DENND4A: variants seen among roughly 807,000 people sequenced by gnomAD.
DENND4A encodes the protein DENN domain containing 4A, also known as C-myc promoter-binding protein.
Under a neutral mutation model 199.3 loss-of-function variants are expected in DENND4A, and 70 were observed. The observed-to-expected ratio is 0.35, with a 90% CI of 0.29 to 0.43. The LOEUF (loss-of-function observed/expected upper bound fraction) is 0.43. Ranked by LOEUF, DENND4A falls within the 20% of genes least tolerant of loss-of-function variation. DENND4A has a pLI of 1.00. For missense variants in DENND4A, 1,723 were observed against 2,255.8 expected (o/e 0.76, Z 4.78); for synonymous variants, 686 against 766.9 (o/e 0.89, Z 1.74).
intron 22 of DENND4A, among the ~76,000 whole-genome samples, chr15:65,693,876 T>C (rs999084477): frequency 6.6e-6 from 1 of 151,966 alleles, no homozygotes; most frequent in African/African-American, 2.4e-5. Flanking sequence ...TTGTTTCTTA[T>C]TATAATATAC....
chr15:65,766,853 T>C (rs1375908669), intron 1 of DENND4A: 1 of 152,042 alleles, frequency 6.6e-6, no homozygotes, highest in Non-Finnish European at 1.5e-5. Flanking sequence ...TTCCTACATA[T>C]ATAAGAACAT....
chr15:65,682,452 C>T (rs2141992420), intron 23 of DENND4A, among the ~76,000 whole-genome samples: 1 of 152,342 alleles, frequency 6.6e-6, no homozygotes, highest in Middle Eastern at 3.4e-3. Flanking sequence ...GCTTTCTCAG[C>T]CTTCATAAAA....
intron 28 of DENND4A, 100 bp from the exon 29 acceptor site, chr15:65,667,803 T>C: frequency 3.4e-6 from 5 of 1,485,772 alleles, no homozygotes; most frequent in Non-Finnish European, 4.5e-6. Context: ...AATATAATTG[T>C]ATCATGGGAT....
intron 22 of DENND4A, among the ~76,000 whole-genome samples, chr15:65,696,109 C>T (rs1025550758): frequency 1.3e-5 from 2 of 152,044 alleles, no homozygotes; most frequent in Non-Finnish European, 2.9e-5. Flanking sequence ...TTTCCCCTTC[C>T]AAAAAGTCCC....
At chr15:65,743,380 A>G (rs4354875) in intron 4 of DENND4A, among the ~76,000 whole-genome samples, 30,109 of 152,022 alleles carry the variant, frequency 0.2, 4,015 homozygotes, top group East Asian at 0.73. Flanking sequence ...GGCCTTTTGC[A>G]CAGACTGTTC....
Position 65,690,715 on chromosome 15 carries a change from T to A in DENND4A, c.3879A>T (p.Arg1293Ser). ...KSPPLVKACR[R>S]SSLPPNSPKP... ...TAGGAGAATTAGGAGGCAGACTAGA[T>A]CTTCTGCATGCCTTGACCAATGGTG... is the stretch of plus-strand genomic sequence containing the variant. Residue 1293 changes from arginine (R) to serine (S), a missense_variant, in exon 23 of 33, where the codon AGA becomes AGT. This residue lies in a region of DENND4A where 650 missense variants were observed against 738.1 expected (regional missense o/e 0.88). Coordinates refer to ENST00000443035, the MANE Select transcript of DENND4A (RefSeq NM_001320835.1). 1 of 1,613,660 alleles carries A rather than the reference T, an allele frequency of 6.2e-7. No individual in the cohort carries two copies. Among genetic ancestry groups the A allele is most frequent in the Non-Finnish European group, 8.5e-7 (1 of 1,179,776 alleles).
At chr15:65,736,905 A>C (rs2076134775) in intron 7 of DENND4A, among the ~76,000 whole-genome samples, 1 of 152,184 alleles carries the variant, frequency 6.6e-6, no homozygotes, top group Non-Finnish European at 1.5e-5. Context: ...AGTTTTGGAA[A>C]AGTTATTTTT....
At position 65,752,402 on chromosome 15, in the gene DENND4A, C is replaced by T. The variant is rs762245474; in HGVS notation, c.538G>A (p.Asp180Asn). The T allele has an allele frequency of 1.2e-5, 19 of 1,581,284 alleles. No homozygotes were observed. Among genetic ancestry groups the T allele is most frequent in the African/African-American group, 9.6e-5 (7 of 72,676 alleles). The change falls in exon 4 of 33, where the codon GAC becomes AAC. Residue 180 changes from aspartate to asparagine, a missense_variant. Asp to Asn is a conservative substitution (Grantham distance 23). Transcript: ENST00000443035. The stretch of plus-strand genomic sequence containing the variant: ...ACCATACTGTTATTGAGATTCTTGT[C>T]GACTTTGCAGAACGTGTGTGGTGGG... Reference protein sequence around the residue: ...ESPPHTFCKVDKNLNNSMWGS... With the variant: ...ESPPHTFCKVNKNLNNSMWGS...
rs753866349 is a variant in DENND4A at position 65,756,248 on chromosome 15, A to C, written c.203T>G (p.Val68Gly). The C allele has an allele frequency of 2.8e-5, 45 of 1,612,832 alleles. No individual in the cohort carries two copies. The highest frequency in any genetic ancestry group is 3.6e-5 in the Non-Finnish European group (42 of 1,179,304). Residue 68 changes from valine to glycine, a missense_variant, in exon 3 of 33, where the codon GTT becomes GGT. Coordinates refer to ENST00000443035, the MANE Select transcript of DENND4A (RefSeq NM_001320835.1). ...ATCAGCTGACAATCCAGTTGGGGTAACATCAATACAGATATAATCCTGTGG... is the reference window on the plus strand; with the variant it reads ...ATCAGCTGACAATCCAGTTGGGGTACCATCAATACAGATATAATCCTGTGG... ...EVPQDYICID[V>G]TPTGLSADLN...
At chr15:65,771,119 T>A (rs1256234034) in intron 1 of DENND4A, 4 of 1,478,658 alleles carry the variant, frequency 2.7e-6, no homozygotes, top group Non-Finnish European at 2.7e-6. Context: ...AAACTAAACT[T>A]ACTTACAGAA....
intron 14 of DENND4A, among the ~76,000 whole-genome samples, chr15:65,713,226 G>C (rs942300279): frequency 1.3e-5 from 2 of 152,084 alleles, no homozygotes; most frequent in South Asian, 4.1e-4. Flanking sequence ...CTTTAGACAA[G>C]TTTCTTCTCC....
intron 1 of DENND4A, among the ~76,000 whole-genome samples, chr15:65,777,550 G>A (rs1050972581): frequency 2.0e-5 from 3 of 151,844 alleles, no homozygotes; most frequent in Admixed American, 1.3e-4. Flanking sequence ...ATGGGGTTTC[G>A]TCATGTTAGC....
intron 14 of DENND4A, among the ~76,000 whole-genome samples, chr15:65,709,216 T>A (rs1567030790): frequency 1.3e-5 from 2 of 152,246 alleles, no homozygotes. Flanking sequence ...TTATTCTTTT[T>A]AAAGTGTTAC....
In DENND4A at chr15:65,790,230, G is replaced by C. The variant is rs78850102; in HGVS notation, c.-102+1780C>G. On this transcript the variant is annotated intron_variant, in intron 1 of 32. Transcript: ENST00000443035. Reference sequence around the variant, plus strand: ...TGAGAATCAATAACTCTTTAAACCAGTGGTAATTCATGTGGAAAAGTTCAG... The same window carrying C: ...TGAGAATCAATAACTCTTTAAACCACTGGTAATTCATGTGGAAAAGTTCAG... Among the ~76,000 whole-genome samples, 166 of 152,288 alleles carry C rather than the reference G, an allele frequency of 1.1e-3. 1 individual carries two copies. The East Asian group carries it at 0.022, about 20-fold the overall frequency.
rs537576649 is a variant in DENND4A at position 65,738,275 on chromosome 15, G to A, written c.802-330C>T. 4.6e-5 allele frequency among the ~76,000 whole-genome samples: 7 copies of A among 152,106 alleles called. No homozygotes were observed. In the East Asian group the frequency reaches 5.8e-4, roughly 13 times the overall value. ...AAAGTGAGATGAAACTTTAGATAACGAAATACAAATTCCAACTTTGGGCAA... is the reference window on the plus strand; with the variant it reads ...AAAGTGAGATGAAACTTTAGATAACAAAATACAAATTCCAACTTTGGGCAA... On this transcript the variant is annotated intron_variant, in intron 6 of 32. Coordinates refer to ENST00000443035, the MANE Select transcript of DENND4A (RefSeq NM_001320835.1).
chr15:65,748,479 C>A (rs1477353781), intron 4 of DENND4A, among the ~76,000 whole-genome samples: 1 of 151,698 alleles, frequency 6.6e-6, no homozygotes, highest in Non-Finnish European at 1.5e-5. Context: ...ATTAGTCGAG[C>A]ATGGTGGTGC....
At chr15:65,694,556 C>A (rs899135336) in intron 22 of DENND4A, among the ~76,000 whole-genome samples, 14 of 152,006 alleles carry the variant, frequency 9.2e-5, no homozygotes, top group Non-Finnish European at 2.9e-5. Context: ...TACATTTACA[C>A]ACAAACACAC....
At chr15:65,738,664 G>A (rs774411825) in intron 6 of DENND4A, 42 bp downstream of exon 6, 8 of 1,547,052 alleles carry the variant, frequency 5.2e-6, no homozygotes, top group Non-Finnish European at 6.1e-6. Flanking sequence ...ACTTGAAAAT[G>A]TACAAGAAAT....
At chr15:65,765,926 A>C (rs549552370) in intron 1 of DENND4A, among the ~76,000 whole-genome samples, 1 of 152,308 alleles carries the variant, frequency 6.6e-6, no homozygotes, top group East Asian at 1.9e-4. Context: ...AAATGCAGAG[A>C]TATATTTCCA....
Sources: allele counts gnomAD v4.1 joint callset (sites outside exome capture counted in the v4.1 genomes callset), GRCh38; gene constraint gnomAD v4.1.1; regional missense constraint gnomAD v4.1.1; transcripts MANE v1.5; gene names NCBI Gene and HGNC (gene_info 2026-07-23, HGNC 2026-07-21).